ECPAS: variants seen among roughly 807,000 people sequenced by gnomAD.
ECPAS encodes the protein proteasome adapter and scaffold protein ECM29.
Under a neutral mutation model 255.1 loss-of-function variants are expected in ECPAS, and 70 were observed. The observed-to-expected ratio is 0.27, with a 90% CI of 0.23 to 0.33. The LOEUF (loss-of-function observed/expected upper bound fraction) is 0.33, where lower values mean the gene tolerates loss of function less well. Among genes scored for constraint, ECPAS ranks in the 10% least tolerant of loss-of-function variants. The probability of loss-of-function intolerance (pLI) is 1.00; values close to 1 mark genes in which losing one functional copy is unlikely to be tolerated. For synonymous variants in ECPAS, 784 were observed against 775.0 expected (o/e 1.01, Z -0.19); for missense variants, 1,817 against 2,206.4 (o/e 0.82, Z 3.54).
chr9:111,422,087 G>A (rs1251429254), intron 14 of ECPAS, 44 bp from the exon 15 acceptor site: 1 of 1,613,608 alleles, frequency 6.2e-7, no homozygotes, highest in Non-Finnish European at 8.5e-7. Context: ...TGGGTTCCCA[G>A]GGGAACATCC....
At chr9:111,444,281 G>T in intron 4 of ECPAS, 97 bp downstream of exon 4, 2 of 764,598 alleles carry the variant, frequency 2.6e-6, no homozygotes, top group Non-Finnish European at 4.3e-6. Flanking sequence ...GTGGTCTAAG[G>T]TGAAATTCTA....
chr9:111,416,143 G>T, intron 18 of ECPAS, 129 bp downstream of exon 18: 1 of 593,870 alleles, frequency 1.7e-6, no homozygotes, highest in Non-Finnish European at 3.0e-6. Flanking sequence ...TAAACAACCC[G>T]ATGAAGAACA....
At chr9:111,368,681 A>C (rs1244139403) in intron 46 of ECPAS, among the ~76,000 whole-genome samples, 1 of 152,228 alleles carries the variant, frequency 6.6e-6, no homozygotes, top group Non-Finnish European at 1.5e-5. Flanking sequence ...ACGTGAAGAC[A>C]CAGGGAGAAG....
At chr9:111,415,281 A>G (rs1053927183) in intron 18 of ECPAS, among the ~76,000 whole-genome samples, 5 of 151,722 alleles carry the variant, frequency 3.3e-5, no homozygotes, top group Non-Finnish European at 7.4e-5. Flanking sequence ...GAGAGAGAGG[A>G]AAGAAATCTG....
chr9:111,406,316 C>G (rs1321528594), intron 24 of ECPAS, among the ~76,000 whole-genome samples: 5 of 149,484 alleles, frequency 3.3e-5, no homozygotes, highest in African/African-American at 5.1e-5. Context: ...GAAAACTGAT[C>G]TCATGGAAGT....
At chr9:111,420,479 G>A (rs1339600054) in intron 15 of ECPAS, among the ~76,000 whole-genome samples, 2 of 151,928 alleles carry the variant, frequency 1.3e-5, no homozygotes, top group Admixed American at 6.6e-5. Context: ...CATCACCTCC[G>A]CCACCCCAAC....
rs1177107323 is a variant in ECPAS at position 111,389,482 on chromosome 9, C to A, written c.3447+74G>T. ...TAAAAAGTAGAAAGGAAGATGGACA[C>A]TGGGTTTAAATCCTATGCATGACCC... On this transcript the variant is annotated intron_variant, in intron 31 of 49. Transcript: ENST00000684092. 6 of 1,294,660 alleles carry A rather than the reference C, an allele frequency of 4.6e-6. No individual in the cohort carries two copies. The African/African-American group carries it at 7.4e-5, about 16-fold the overall frequency. The allele number at this position is 1,294,660 out of a possible 1,614,324, so 80.2% of individuals were successfully genotyped here. A position where few individuals can be genotyped will look rare whatever the true frequency, so the allele number is the denominator to read the frequency against.
chr9:111,366,149 G>T, intron 48 of ECPAS, 90 bp downstream of exon 48: 1 of 821,280 alleles, frequency 1.2e-6, no homozygotes. Flanking sequence ...CAGAAATTTA[G>T]TTCCTAAGAC....
Position 111,484,240 on chromosome 9 carries a change from G to T in ECPAS, c.-207C>A. 6.8e-7 allele frequency: 1 copy of T among 1,474,162 alleles called. No individual in the cohort carries two copies. Among genetic ancestry groups the T allele is most frequent in the Non-Finnish European group, 8.9e-7 (1 of 1,118,972 alleles). 91.3% of individuals were successfully genotyped at this position (1,474,162 alleles called of 1,614,324 possible). On this transcript the variant is annotated 5_prime_UTR_variant, in exon 1 of 50. Coordinates refer to ENST00000684092, the MANE Select transcript of ECPAS (RefSeq NM_001364929.1). ...GCGCGCCGCAGTCCGTGAGGGGCTG[G>T]GCCGAGCGGGCCCGGGCTGCCCTAG...
chr9:111,405,094 G>A (rs1021592030), intron 24 of ECPAS, among the ~76,000 whole-genome samples: 25 of 149,516 alleles, frequency 1.7e-4, no homozygotes. Flanking sequence ...CAAAGACCCT[G>A]AATAATGAGC....
intron 1 of ECPAS, among the ~76,000 whole-genome samples, chr9:111,475,150 C>G (rs190011577): frequency 6.6e-6 from 1 of 152,268 alleles, no homozygotes; most frequent in African/African-American, 2.4e-5. Context: ...TGTCTCTGCA[C>G]TGAATTATAA....
chr9:111,393,895 T>G (rs568795464), intron 26 of ECPAS, among the ~76,000 whole-genome samples, 161 bp from the exon 27 acceptor site: 1 of 152,362 alleles, frequency 6.6e-6, no homozygotes, highest in Admixed American at 6.5e-5. Flanking sequence ...CACCTGGAGC[T>G]GCACCACTTA....
chr9:111,472,856 C>A, intron 2 of ECPAS, 41 bp downstream of exon 2: 1 of 690,578 alleles, frequency 1.4e-6, no homozygotes, highest in South Asian at 2.0e-5. Context: ...AATGCTGCTA[C>A]AAAAAAAATG....
intron 48 of ECPAS, chr9:111,366,033 G>T: frequency 1.9e-6 from 1 of 527,322 alleles, no homozygotes; most frequent in South Asian, 2.9e-5. Flanking sequence ...TGTCACGAAG[G>T]TTTTTCTAAA....
chr9:111,382,295 G>A (rs896746066), intron 35 of ECPAS, among the ~76,000 whole-genome samples: 4 of 123,530 alleles, frequency 3.2e-5, no homozygotes, highest in South Asian at 4.8e-4. Context: ...ACAGAGTTTC[G>A]TTCTTGTTGT....
chr9:111,426,896 G>A (rs1432359839), intron 10 of ECPAS, among the ~76,000 whole-genome samples: 1 of 152,030 alleles, frequency 6.6e-6, no homozygotes, highest in Non-Finnish European at 1.5e-5. Flanking sequence ...TTTGAGCTTG[G>A]GAGGCAGAGG....
At chr9:111,423,275 AAAAG>A (rs1334487279) in intron 12 of ECPAS, 27 bp from the exon 13 acceptor site, 9 of 1,493,866 alleles carry the variant, frequency 6.0e-6, no homozygotes, top group Admixed American at 2.0e-5. Flanking sequence ...GAAAAGAAAG[AAAAG>A]AAAGAACAAA....
chr9:111,388,678 G>C (rs1446369728), intron 31 of ECPAS, among the ~76,000 whole-genome samples: 1 of 152,052 alleles, frequency 6.6e-6, no homozygotes, highest in Non-Finnish European at 1.5e-5. Flanking sequence ...GAAAAAAAAA[G>C]ATGATGATGA....
At chr9:111,392,925 T>G (rs1193169442) in intron 27 of ECPAS, 43 bp from the exon 28 acceptor site, 3 of 1,409,640 alleles carry the variant, frequency 2.1e-6, no homozygotes, top group Non-Finnish European at 2.9e-6. Context: ...TAAAAAAAAT[T>G]TTGTCTACTT....
Sources: allele counts gnomAD v4.1 joint callset (sites outside exome capture counted in the v4.1 genomes callset), GRCh38; gene constraint gnomAD v4.1.1; transcripts MANE v1.5; gene names NCBI Gene and HGNC (gene_info 2026-07-23, HGNC 2026-07-21).